The following DLG5 variants were observed in gnomAD, a reference collection of about 807,000 sequenced individuals.
DLG5 encodes the protein discs large MAGUK scaffold protein 5, also known as disks large homolog 5.
A neutral mutation model predicts 189.8 loss-of-function variants in DLG5; 48 were observed. That is an observed-to-expected ratio of 0.25 (90% CI 0.20 to 0.32). DLG5 has a LOEUF of 0.32. Among genes scored for constraint, DLG5 ranks in the 10% least tolerant of loss-of-function variants. The pLI, the probability that DLG5 is intolerant of heterozygous loss-of-function variation, is 1.00. For synonymous variants in DLG5, 1,016 were observed against 1,054.1 expected (o/e 0.96, Z 0.70); for missense variants, 2,160 against 2,544.7 (o/e 0.85, Z 3.25).
intron 1 of DLG5, among the ~76,000 whole-genome samples, chr10:77,896,836 AT>A (rs1370834551): frequency 6.6e-6 from 1 of 151,914 alleles, no homozygotes; most frequent in Non-Finnish European, 1.5e-5. Flanking sequence ...AAAAGCAAAT[AT>A]GGCAAGCTGT....
chr10:77,919,968 G>C (rs913922610), intron 1 of DLG5, among the ~76,000 whole-genome samples: 1 of 152,178 alleles, frequency 6.6e-6, no homozygotes, highest in Non-Finnish European at 1.5e-5. Flanking sequence ...TCTACACACA[G>C]CTGACTATTC....
intron 1 of DLG5, among the ~76,000 whole-genome samples, chr10:77,917,211 G>A (rs572884733): frequency 7.8e-4 from 118 of 152,046 alleles, no homozygotes; most frequent in Admixed American, 2.8e-3. Context: ...GCATGGTGGC[G>A]GGCGCCTGTA....
Position 77,796,085 on chromosome 10 carries a change from C to A in DLG5, c.5412G>T (p.Ala1804=), listed in dbSNP as rs138488776. The A allele has an allele frequency of 1.9e-6, 3 of 1,614,076 alleles. No individual in the cohort carries two copies. The highest frequency in any genetic ancestry group is 2.5e-6 in the Non-Finnish European group (3 of 1,180,042). Residue 1804 remains alanine (A), a synonymous_variant, in exon 29 of 32, where the codon GCG becomes GCT. Coordinates refer to ENST00000372391, the MANE Select transcript of DLG5 (RefSeq NM_004747.4). The surrounding 1 kb of genome is among the most constrained non-coding windows in gnomAD (Gnocchi z 5.2). ...RSGHFDVTTV[A]SIKEITEKNR... ...CCTTTTCTGTGATCTCCTTTATTGA[C>A]GCCACAGTGGTCACATCGAAATGGC...
Position 77,816,990 on chromosome 10 carries a change from T to A in DLG5, c.3874+17A>T. The A allele has an allele frequency of 6.2e-7, 1 of 1,611,710 alleles. No homozygotes were observed. Among genetic ancestry groups the A allele is most frequent in the Non-Finnish European group, 8.5e-7 (1 of 1,178,298 alleles). ...GCAGGAAAAGCAGGAGAGATGGGAA[T>A]GTCGAGAAGTCCTTACCTCTCTCGG... is the stretch of plus-strand genomic sequence containing the variant. On this transcript the variant is annotated intron_variant, in intron 19 of 31. Transcript: ENST00000372391.
chr10:77,829,107 A>C, intron 12 of DLG5, 122 bp from the exon 13 acceptor site: 1 of 1,132,966 alleles, frequency 8.8e-7, no homozygotes, highest in South Asian at 1.5e-5. Flanking sequence ...CGCCCTGTCT[A>C]CGCCTGCACC....
intron 1 of DLG5, among the ~76,000 whole-genome samples, chr10:77,879,337 CA>C (rs1845203358): frequency 6.6e-6 from 1 of 152,084 alleles, no homozygotes; most frequent in African/African-American, 2.4e-5. Context: ...GATGAGGTCA[CA>C]GGGGCAATAG....
the DLG5 span, among the ~76,000 whole-genome samples, chr10:77,935,462 G>A: frequency 2.6e-5 from 4 of 152,068 alleles, no homozygotes; most frequent in African/African-American, 9.7e-5. Context: ...TAAAGATACT[G>A]GATACAGGGC....
At chr10:77,807,679 A>G (rs1206983409) in intron 25 of DLG5, 117 bp downstream of exon 25, 6 of 1,234,936 alleles carry the variant, frequency 4.9e-6, no homozygotes, top group Non-Finnish European at 6.8e-6. Context: ...AGGAATGATG[A>G]TCATGGCCCC....
intron 20 of DLG5, among the ~76,000 whole-genome samples, chr10:77,815,378 G>A (rs867361242): frequency 1.6e-4 from 24 of 152,194 alleles, no homozygotes; most frequent in Non-Finnish European, 7.3e-5. Flanking sequence ...GATTTTCTCT[G>A]GCTGGGCACG....
chr10:77,798,739 C>T (rs938720458), intron 27 of DLG5, among the ~76,000 whole-genome samples: 2 of 152,148 alleles, frequency 1.3e-5, no homozygotes, highest in Middle Eastern at 3.2e-3. Context: ...ATCCACTTCC[C>T]TGCTGATGGA....
intron 3 of DLG5, among the ~76,000 whole-genome samples, chr10:77,855,887 T>C (rs1287577809): frequency 1.3e-5 from 2 of 152,182 alleles, no homozygotes; most frequent in African/African-American, 2.4e-5. Flanking sequence ...CTGGCCCTCC[T>C]CCTTCCCAGA....
At chr10:77,893,311 G>C (rs1425865313) in intron 1 of DLG5, among the ~76,000 whole-genome samples, 3 of 152,206 alleles carry the variant, frequency 2.0e-5, no homozygotes, top group African/African-American at 7.2e-5. Context: ...AGGGGACAAA[G>C]GTATTCACTG....
rs912684011 is a variant in DLG5 at position 77,836,042 on chromosome 10, G to C, written c.1438-120C>G. 33 of 1,073,818 alleles carry C rather than the reference G, an allele frequency of 3.1e-5. No homozygotes were observed. The Admixed American group carries it at 3.5e-4, about 11-fold the overall frequency. 66.5% of individuals were successfully genotyped at this position (1,073,818 alleles called of 1,614,324 possible). On this transcript the variant is annotated intron_variant, in intron 7 of 31. Transcript: ENST00000372391. ...AGGGAGCTGGATGGAGGGAAACACG[G>C]AGCCCATCGCAGCACACCCCATACC... is the stretch of plus-strand genomic sequence containing the variant.
chr10:77,936,138 G>A, the DLG5 span, among the ~76,000 whole-genome samples: 2 of 152,066 alleles, frequency 1.3e-5, no homozygotes, highest in African/African-American at 4.8e-5. Flanking sequence ...AATATCCCAG[G>A]ATTTTAAAAC....
upstream of DLG5, among the ~76,000 whole-genome samples, chr10:77,931,740 A>G (rs1278180849): frequency 1.3e-5 from 2 of 151,898 alleles, no homozygotes; most frequent in Non-Finnish European, 2.9e-5. Flanking sequence ...TGACTCTTCA[A>G]TCCTCTTCTG....
At chr10:77,797,441 G>A (rs1840978890) in intron 27 of DLG5, among the ~76,000 whole-genome samples, 2 of 152,156 alleles carry the variant, frequency 1.3e-5, no homozygotes, top group South Asian at 4.1e-4. Flanking sequence ...ACTTTAACTA[G>A]AGTCACAACA....
intron 30 of DLG5, 86 bp downstream of exon 30, chr10:77,794,763 C>T (rs896426136): frequency 2.0e-6 from 2 of 1,015,486 alleles, no homozygotes; most frequent in South Asian, 1.4e-5. Context: ...CTCAACCCCC[C>T]ACCCCAACAC....
intron 2 of DLG5, chr10:77,868,443 C>T (rs573288733): frequency 7.8e-5 from 22 of 282,296 alleles, no homozygotes; most frequent in Non-Finnish European, 1.3e-4. Flanking sequence ...AGGCATGTGA[C>T]TCCCCCTCCC....
intron 1 of DLG5, among the ~76,000 whole-genome samples, chr10:77,870,576 T>C (rs995847038): frequency 6.6e-6 from 1 of 151,834 alleles, no homozygotes; most frequent in Non-Finnish European, 1.5e-5. Context: ...CCCAGCTACC[T>C]GGGAGTCTGA....
Sources: gnomAD v4.1 joint callset for allele counts (sites outside exome capture counted in the v4.1 genomes callset) on GRCh38, gnomAD v4.1.1 for gene constraint, Gnocchi (gnomAD v3.1) non-coding constraint, MANE v1.5 for transcripts, NCBI Gene and HGNC (gene_info 2026-07-23, HGNC 2026-07-21) for gene names.